SCN9A: variants seen among roughly 807,000 people sequenced by gnomAD.
SCN9A encodes the protein sodium channel protein type 9 subunit alpha.
SCN9A carries 131 observed loss-of-function variants against 187.0 expected under a neutral mutation model. That is an observed-to-expected ratio of 0.70 (90% CI 0.61 to 0.81). The LOEUF is 0.81. SCN9A is among the 30% of genes least tolerant of loss of function. The pLI is 0.00. For synonymous variants in SCN9A, 809 were observed against 808.6 expected, an observed-to-expected ratio of 1.00 and a Z score of -0.01; for missense variants, 2,252 against 2,396.6, an observed-to-expected ratio of 0.94 and a Z score of 1.26.
At position 166,198,405 on chromosome 2, in the gene SCN9A, T is replaced by C; in HGVS notation, c.*267A>G. 1 of 302,126 alleles carries C rather than the reference T, an allele frequency of 3.3e-6. No individual in the cohort carries two copies. The highest frequency in any genetic ancestry group is 5.8e-6 in the Non-Finnish European group (1 of 172,184). The allele number at this position is 302,126 out of a possible 1,614,324, so 18.7% of individuals were successfully genotyped here. A position where few individuals can be genotyped will look rare whatever the true frequency, so the allele number is the denominator to read the frequency against. Reference sequence around the variant, plus strand: ...AAGTTTTCTACATGGTCTTCTGATTTATTAAAAACCAAAAAACTGAATCAC... The same window carrying C: ...AAGTTTTCTACATGGTCTTCTGATTCATTAAAAACCAAAAAACTGAATCAC... On this transcript the variant is annotated 3_prime_UTR_variant, in exon 27 of 27. Coordinates refer to ENST00000642356, the MANE Select transcript of SCN9A (RefSeq NM_001365536.1).
At chr2:166,276,696 G>A (rs1357556642) in intron 16 of SCN9A, 1 of 187,342 alleles carries the variant, frequency 5.3e-6, no homozygotes, top group Non-Finnish European at 1.1e-5. Flanking sequence ...ATAGCTTCAA[G>A]AGAGCATATG....
intron 24 of SCN9A, among the ~76,000 whole-genome samples, chr2:166,219,699 C>T (rs2106372342): frequency 6.6e-6 from 1 of 152,216 alleles, no homozygotes; most frequent in African/African-American, 2.4e-5. Context: ...CAAGACTGCA[C>T]ATCCTGTACA....
chr2:166,318,064 C>G (rs910904369), intron 1 of SCN9A, among the ~76,000 whole-genome samples: 4 of 152,084 alleles, frequency 2.6e-5, no homozygotes, highest in Admixed American at 1.3e-4. Flanking sequence ...AAAACATTGT[C>G]CCACTTCCCT....
At chr2:166,330,982 G>A (rs1043249694) in intron 1 of SCN9A, among the ~76,000 whole-genome samples, 15 of 152,038 alleles carry the variant, frequency 9.9e-5, no homozygotes, top group Non-Finnish European at 1.8e-4. Context: ...TTATACAACT[G>A]GGGGAGGAGG....
At chr2:166,351,514 A>G (rs1337349223) in intron 1 of SCN9A, among the ~76,000 whole-genome samples, 4 of 152,328 alleles carry the variant, frequency 2.6e-5, no homozygotes, top group African/African-American at 7.2e-5. Context: ...TGTGATTTCT[A>G]AAGTCACAGT....
intron 1 of SCN9A, among the ~76,000 whole-genome samples, chr2:166,349,695 G>A (rs1699986923): frequency 6.6e-6 from 1 of 152,114 alleles, no homozygotes; most frequent in African/African-American, 2.4e-5. Context: ...ACCTCAGACC[G>A]GGCATGGTGG....
At chr2:166,339,164 GA>G (rs1433668269) in intron 1 of SCN9A, among the ~76,000 whole-genome samples, 1 of 152,018 alleles carries the variant, frequency 6.6e-6, no homozygotes, top group African/African-American at 2.4e-5. Context: ...GAAGTTAATT[GA>G]AAAAAGCCTG....
At position 166,351,823 on chromosome 2, in the gene SCN9A, A is replaced by T. The variant is rs142952951; in HGVS notation, c.-51+23874T>A. Among the ~76,000 whole-genome samples, 686 of 152,282 alleles carry T rather than the reference A, an allele frequency of 4.5e-3. 8 individuals are homozygous for T. Among genetic ancestry groups the T allele is most frequent in the African/African-American group, 0.016 (657 of 41,560 alleles). Reference sequence around the variant, plus strand: ...GATTAGATTGGAAACAAATCTCATTATGGAGTTTTAAATAATTACCATGAA... The same window carrying T: ...GATTAGATTGGAAACAAATCTCATTTTGGAGTTTTAAATAATTACCATGAA... On this transcript the variant is annotated intron_variant, in intron 1 of 26. Transcript: ENST00000642356.
chr2:166,346,394 AC>A (rs1371563391), intron 1 of SCN9A, among the ~76,000 whole-genome samples: 1 of 152,168 alleles, frequency 6.6e-6, no homozygotes, highest in Non-Finnish European at 1.5e-5. Flanking sequence ...AAGCCTGAAT[AC>A]CTTTTATTTA....
Position 166,206,995 on chromosome 2 carries a change from C to T in SCN9A, c.4399-2531G>A, listed in dbSNP as rs186676992. On this transcript the variant is annotated intron_variant, in intron 24 of 26. Transcript: ENST00000642356. Reference sequence around the variant, plus strand: ...TAAAATTCAACAGTAAATAACATAACATCTAAATGAGGTTTTTGACTGGAA... The same window carrying T: ...TAAAATTCAACAGTAAATAACATAATATCTAAATGAGGTTTTTGACTGGAA... 4.1e-4 allele frequency among the ~76,000 whole-genome samples: 63 copies of T among 152,168 alleles called. No individual in the cohort carries two copies. The East Asian group carries it at 7.0e-3, about 17-fold the overall frequency.
At chr2:166,222,961 A>AC (rs1694679969) in intron 24 of SCN9A, among the ~76,000 whole-genome samples, 4 of 140,480 alleles carry the variant, frequency 2.8e-5, no homozygotes, top group South Asian at 2.1e-4. Flanking sequence ...AAAAAAAAAA[A>AC]AAAAAAAAAA....
At chr2:166,257,085 A>C (rs983110142) in intron 17 of SCN9A, among the ~76,000 whole-genome samples, 10 of 151,650 alleles carry the variant, frequency 6.6e-5, no homozygotes, top group Admixed American at 1.3e-4. Flanking sequence ...TAAAGTGGCC[A>C]TTGATATTCA....
At chr2:166,353,176 G>T (rs1269374065) in intron 1 of SCN9A, among the ~76,000 whole-genome samples, 1 of 142,180 alleles carries the variant, frequency 7.0e-6, no homozygotes, top group Admixed American at 7.2e-5. Flanking sequence ...CCAACATGAT[G>T]AAACCCCTTC....
intron 24 of SCN9A, among the ~76,000 whole-genome samples, chr2:166,211,584 T>C (rs1273528969): frequency 1.3e-5 from 2 of 151,874 alleles, no homozygotes; most frequent in Non-Finnish European, 2.9e-5. Flanking sequence ...TAACTAAAAT[T>C]ACAAAAATGT....
At position 166,198,802 on chromosome 2, in the gene SCN9A, G is replaced by GT. The variant is rs1558938569; in HGVS notation, c.5836dup (p.Thr1946AsnfsTer14). 4.3e-6 allele frequency: 7 copies of GT among 1,613,056 alleles called. No homozygotes were observed. The highest frequency in any genetic ancestry group is 1.7e-5 in the Admixed American group (1 of 59,866). On this transcript the variant is annotated frameshift_variant, in exon 27 of 27. Transcript: ENST00000642356. LOFTEE classifies it high-confidence loss of function. ...AGAGGTGGTGGATGAAGTGGCATCT[G>GT]TTTTTTCTGGACTTGAGTTCTCATT...
chr2:166,292,337 TACCTC>T (rs1698111751), intron 9 of SCN9A, among the ~76,000 whole-genome samples: 1 of 152,150 alleles, frequency 6.6e-6, no homozygotes, highest in Non-Finnish European at 1.5e-5. Context: ...AAATAAGTCT[TACCTC>T]TGATGAAAAA....
chr2:166,223,837 T>A (rs1363410582), intron 24 of SCN9A, among the ~76,000 whole-genome samples: 1 of 152,224 alleles, frequency 6.6e-6, no homozygotes, highest in Non-Finnish European at 1.5e-5. Context: ...ATCTACTACG[T>A]ACTTCTACAT....
rs920979487 is a variant in SCN9A, at chr2:166,311,665, T to A, written c.92A>T (p.Lys31Ile). ...ALIEQRIAER[K>I]SKEPKEEKKD... is the part of the protein sequence containing the mutation. ...CTTTTCTTCTTTGGGTTCCTTTGAT[T>A]TTCTTTCAGCAATGCGTTGTTCAAT... is the stretch of plus-strand genomic sequence containing the variant. Residue 31 changes from lysine to isoleucine, a missense_variant, in exon 2 of 27, where the codon AAA (lysine) becomes ATA (isoleucine). Physicochemically the swap from Lys to Ile is moderately radical, Grantham distance 102 (BLOSUM62 -3). Transcript: ENST00000642356. 3 of 1,613,404 alleles carry A rather than the reference T, an allele frequency of 1.9e-6. No individual in the cohort carries two copies. In the African/African-American group the frequency reaches 4.0e-5, roughly 22 times the overall value.
At position 166,314,910 on chromosome 2, in the gene SCN9A, G is replaced by A. The variant is rs147831105; in HGVS notation, c.-50-3104C>T. Among the ~76,000 whole-genome samples the A allele has an allele frequency of 5.6e-3, 854 of 152,260 alleles. 8 individuals are homozygous for A. The highest frequency in any genetic ancestry group is 0.019 in the African/African-American group (807 of 41,562). On this transcript the variant is annotated intron_variant, in intron 1 of 26. Transcript: ENST00000642356. The stretch of plus-strand genomic sequence containing the variant: ...ATAATGATGATTGTTGCATACCTTT[G>A]TGAACATACTAAAAACCACTGAGTG...
Sources: gnomAD v4.1 joint callset for allele counts (sites outside exome capture counted in the v4.1 genomes callset) on GRCh38, gnomAD v4.1.1 for gene constraint, MANE v1.5 for transcripts, NCBI Gene and HGNC (gene_info 2026-07-23, HGNC 2026-07-21) for gene names.